Variants in ESRRG observed in about 807,000 individuals in gnomAD.
ESRRG encodes estrogen-related receptor gamma.
Under a neutral mutation model 44.0 loss-of-function variants are expected in ESRRG, and 13 were observed. That is an observed-to-expected ratio of 0.30 (90% confidence interval 0.19 to 0.47). The LOEUF (loss-of-function observed/expected upper bound fraction) is 0.47, where lower values mean the gene tolerates loss of function less well. Ranked by LOEUF, ESRRG falls within the 20% of genes least tolerant of loss-of-function variation. The pLI is 1.00. For synonymous variants in ESRRG, 215 were observed against 214.6 expected (o/e 1.00, Z -0.02); for missense variants, 395 against 580.6 (o/e 0.68, Z 3.29).
At chr1:216,894,894 C>A (rs531105368) in intron 2 of ESRRG, among the ~76,000 whole-genome samples, 1 of 152,194 alleles carries the variant, frequency 6.6e-6, no homozygotes, top group East Asian at 1.9e-4. Flanking sequence ...GATTCCTCCC[C>A]CATCCACGTT....
chr1:217,014,282 G>A (rs569965547), intron 1 of ESRRG, among the ~76,000 whole-genome samples: 1 of 152,032 alleles, frequency 6.6e-6, no homozygotes, highest in African/African-American at 2.4e-5. Flanking sequence ...AGCTGTCATT[G>A]CAGAGACTAA....
At chr1:217,057,094 C>T (rs1355360037) in intron 1 of ESRRG, among the ~76,000 whole-genome samples, 1 of 152,120 alleles carries the variant, frequency 6.6e-6, no homozygotes, top group African/African-American at 2.4e-5. Flanking sequence ...CCAGCGTAAG[C>T]CCCCACCAGT....
intron 2 of ESRRG, among the ~76,000 whole-genome samples, chr1:216,881,266 A>G (rs1325114143): frequency 1.3e-5 from 2 of 152,220 alleles, no homozygotes; most frequent in Non-Finnish European, 2.9e-5. Flanking sequence ...CAGAAAGCAG[A>G]TGCAGATTAT....
intron 2 of ESRRG, among the ~76,000 whole-genome samples, chr1:216,654,616 C>T (rs1361681832): frequency 5.1e-5 from 7 of 137,810 alleles, no homozygotes; most frequent in Non-Finnish European, 1.1e-4. Flanking sequence ...GCAATAAGAG[C>T]GAAACTCTGT....
intron 1 of ESRRG, among the ~76,000 whole-genome samples, chr1:216,711,748 T>C (rs1190121402): frequency 6.6e-6 from 1 of 151,134 alleles, no homozygotes; most frequent in Non-Finnish European, 1.5e-5. Flanking sequence ...TATTATAATA[T>C]ACTTGGTATA....
At chr1:216,807,625 G>C (rs2094838391) in intron 2 of ESRRG, among the ~76,000 whole-genome samples, 1 of 152,072 alleles carries the variant, frequency 6.6e-6, no homozygotes, top group Non-Finnish European at 1.5e-5. Context: ...ACAGAAAGGA[G>C]GCAGATCTCA....
chr1:216,611,466 A>G (rs778722665), intron 3 of ESRRG, among the ~76,000 whole-genome samples: 23 of 152,314 alleles, frequency 1.5e-4, no homozygotes, highest in African/African-American at 4.6e-4. Context: ...TAACACACAT[A>G]TAAACACACT....
chr1:217,036,423 C>G (rs948631676), intron 1 of ESRRG, among the ~76,000 whole-genome samples: 10 of 152,150 alleles, frequency 6.6e-5, no homozygotes, highest in African/African-American at 2.4e-4. Flanking sequence ...AAATGCCCAT[C>G]AATGGTAGAC....
At chr1:216,932,379 C>T (rs775340198) in intron 2 of ESRRG, among the ~76,000 whole-genome samples, 6 of 151,862 alleles carry the variant, frequency 4.0e-5, no homozygotes, top group Non-Finnish European at 7.4e-5. Context: ...TTACAAATGA[C>T]CAATAAAATT....
At chr1:216,777,207 G>C (rs1055572244) in intron 2 of ESRRG, among the ~76,000 whole-genome samples, 46 of 152,086 alleles carry the variant, frequency 3.0e-4, no homozygotes, top group African/African-American at 1.1e-3. Context: ...GTATATTATG[G>C]GGTAACAAAA....
At chr1:216,580,755 C>T (rs115814777) in intron 3 of ESRRG, among the ~76,000 whole-genome samples, 3 of 152,232 alleles carry the variant, frequency 2.0e-5, no homozygotes, top group Non-Finnish European at 2.9e-5. Flanking sequence ...ATTCAGAGTC[C>T]AACAACTGCC....
intron 2 of ESRRG, among the ~76,000 whole-genome samples, chr1:216,668,879 T>C (rs1253492057): frequency 6.6e-6 from 1 of 152,224 alleles, no homozygotes; most frequent in Non-Finnish European, 1.5e-5. Flanking sequence ...AAAGTCATTA[T>C]GATAGAGATT....
Position 216,504,368 on chromosome 1 carries a change from C to T in ESRRG, c.*2571G>A, listed in dbSNP as rs1279943628. 2.6e-5 allele frequency: 4 copies of T among 152,364 alleles called. No individual in the cohort carries two copies. The highest frequency in any genetic ancestry group is 5.9e-5 in the Non-Finnish European group (4 of 67,958). The allele number at this position is 152,364 out of a possible 1,614,324, so 9.4% of individuals were successfully genotyped here. On this transcript the variant is annotated 3_prime_UTR_variant, in exon 7 of 7. Coordinates refer to ENST00000408911, the MANE Select transcript of ESRRG (RefSeq NM_001438.4). ...TGTTGTTATTTTTAAAGGGATGTGC[C>T]AATTTCTGAACTCCTATCACAGCTA... is the stretch of plus-strand genomic sequence containing the variant.
At chr1:216,572,898 T>TAGTAG (rs2061066253) in intron 3 of ESRRG, among the ~76,000 whole-genome samples, 2 of 152,148 alleles carry the variant, frequency 1.3e-5, no homozygotes, top group Admixed American at 1.3e-4. Flanking sequence ...AGCTATGATT[T>TAGTAG]CTCATTAGTA....
intron 1 of ESRRG, among the ~76,000 whole-genome samples, chr1:216,949,731 C>T (rs867067410): frequency 2.6e-5 from 4 of 152,026 alleles, no homozygotes; most frequent in Admixed American, 6.6e-5. Flanking sequence ...AAATTATAAA[C>T]GAACCAAAAA....
At chr1:216,953,922 GA>G (rs756650405) in intron 1 of ESRRG, among the ~76,000 whole-genome samples, 4 of 151,640 alleles carry the variant, frequency 2.6e-5, no homozygotes, top group Non-Finnish European at 5.9e-5. Context: ...GGGGGGCAAT[GA>G]AAAAAACATA....
intron 1 of ESRRG, among the ~76,000 whole-genome samples, chr1:217,026,464 A>T (rs1195766207): frequency 1.3e-5 from 2 of 152,202 alleles, no homozygotes; most frequent in African/African-American, 4.8e-5. Flanking sequence ...AAGGTGATTC[A>T]CTTCTTCCCA....
intron 1 of ESRRG, among the ~76,000 whole-genome samples, chr1:217,123,031 A>G (rs1429112673): frequency 6.6e-6 from 1 of 152,004 alleles, no homozygotes; most frequent in South Asian, 2.1e-4. Context: ...CAGAAGTGAC[A>G]TATATATTTC....
intron 1 of ESRRG, among the ~76,000 whole-genome samples, chr1:217,117,374 A>G (rs1175174776): frequency 6.6e-6 from 1 of 152,272 alleles, no homozygotes; most frequent in Non-Finnish European, 1.5e-5. Flanking sequence ...ACTTGAGGCT[A>G]GGAGTTTGTG....
Sources: gnomAD v4.1 joint callset for allele counts (sites outside exome capture counted in the v4.1 genomes callset) on GRCh38, gnomAD v4.1.1 for gene constraint, MANE v1.5 for transcripts, NCBI Gene and HGNC (gene_info 2026-07-23, HGNC 2026-07-21) for gene names.